Variants in ZNF175 observed in about 807,000 individuals in gnomAD.
The protein encoded by ZNF175 is zinc finger protein OTK18.
Under a neutral mutation model 14.0 loss-of-function variants are expected in ZNF175, and 8 were observed. The observed-to-expected ratio is 0.57, with a 90% confidence interval of 0.34 to 1.03. The LOEUF (loss-of-function observed/expected upper bound fraction) is 1.03. Among genes scored for constraint, ZNF175 ranks in the 50% least tolerant of loss-of-function variants. ZNF175 has a pLI of 0.03. For synonymous variants in ZNF175, 255 were observed against 296.8 expected (o/e 0.86, Z 1.45); for missense variants, 764 against 849.5 (o/e 0.90, Z 1.25).
At chr19:51,582,645 C>T (rs961950628) in intron 4 of ZNF175, among the ~76,000 whole-genome samples, 1 of 152,144 alleles carries the variant, frequency 6.6e-6, no homozygotes, top group Non-Finnish European at 1.5e-5. Context: ...TGGTGAGAGC[C>T]TCTCATCTTA....
Position 51,592,499 on chromosome 19 carries a change from T to A in ZNF175, c.*4032T>A. ...CATTAAATCTGAAATAAAGGTATTT[T>A]GAGAAATTGAATTCCGTTATCAAGT... On this transcript the variant is annotated 3_prime_UTR_variant, in exon 5 of 5. Transcript: ENST00000262259. 1.8e-6 allele frequency: 1 copy of A among 558,206 alleles called. No individual in the cohort carries two copies. Among genetic ancestry groups the A allele is most frequent in the Non-Finnish European group, 3.1e-6 (1 of 318,104 alleles). The allele number at this position is 558,206 out of a possible 1,614,324, so 34.6% of individuals were successfully genotyped here.
chr19:51,589,884 A>AAC lies in ZNF175; in HGVS notation c.*1427_*1428dup. The AAC allele has an allele frequency of 2.1e-6, 1 of 475,224 alleles. No homozygotes were observed. Among genetic ancestry groups the AAC allele is most frequent in the South Asian group, 3.1e-5 (1 of 32,692 alleles). 29.4% of individuals were successfully genotyped at this position (475,224 alleles called of 1,614,324 possible). ...TTTGCCAGCACATGATACACACACA[A>AAC]ACACACACACATACACACATATTAC... is the stretch of plus-strand genomic sequence containing the variant. On this transcript the variant is annotated 3_prime_UTR_variant, in exon 5 of 5. Transcript: ENST00000262259.
intron 1 of ZNF175, 28 bp from the exon 2 acceptor site, chr19:51,573,122 G>A (rs2122556349): frequency 5.5e-6 from 3 of 546,710 alleles, no homozygotes; most frequent in Middle Eastern, 4.6e-4. Context: ...TGTTGAATGA[G>A]TGACCATGTA....
chr19:51,580,734 A>C (rs1396952368), intron 2 of ZNF175, among the ~76,000 whole-genome samples: 10 of 152,148 alleles, frequency 6.6e-5, no homozygotes, highest in Non-Finnish European at 1.5e-4. Context: ...CTTATCTTAC[A>C]CAGAGCTGTC....
At chr19:51,581,695 G>C in intron 3 of ZNF175, 92 bp from the exon 4 acceptor site, 1 of 1,539,710 alleles carries the variant, frequency 6.5e-7, no homozygotes, top group East Asian at 2.3e-5. Flanking sequence ...GGAAAATGTT[G>C]ACTTTTCTAA....
intron 4 of ZNF175, 151 bp downstream of exon 4, chr19:51,582,033 A>G (rs2122570110): frequency 1.4e-6 from 1 of 705,008 alleles, no homozygotes; most frequent in Non-Finnish European, 2.4e-6. Context: ...AATGTGCTAT[A>G]AATGTTAAAT....
chr19:51,575,953 T>C (rs1044739000), intron 2 of ZNF175, among the ~76,000 whole-genome samples: 1 of 152,198 alleles, frequency 6.6e-6, no homozygotes, highest in African/African-American at 2.4e-5. Context: ...GCTGCCTGTA[T>C]AGACACCCTG....
rs936626817 is a variant in ZNF175 at position 51,591,569 on chromosome 19, G to A, written c.*3102G>A. The A allele has an allele frequency of 4.6e-5, 7 of 152,114 alleles. No homozygotes were observed. The highest frequency in any genetic ancestry group is 6.5e-5 in the Admixed American group (1 of 15,274). The allele number at this position is 152,114 out of a possible 1,614,324, so 9.4% of individuals were successfully genotyped here. A position where few individuals can be genotyped will look rare whatever the true frequency, so the allele number is the denominator to read the frequency against. On this transcript the variant is annotated 3_prime_UTR_variant, in exon 5 of 5. Coordinates refer to ENST00000262259, the MANE Select transcript of ZNF175 (RefSeq NM_007147.4). ...CTAGGCAGCTTGTATGAACTAACTC[G>A]TTTATTCCTCACAGCCATTGTAGGA... is the stretch of plus-strand genomic sequence containing the variant.
rs1171985312 is a variant in ZNF175 at position 51,588,381 on chromosome 19, T to C, written c.2050T>C (p.Ser684Pro). ...SECGKAFNNRSNFNKHQTTHT... is the reference protein window; with the variant it reads ...SECGKAFNNRPNFNKHQTTHT... ...ATGTGGAAAGGCCTTCAACAACAGGTCAAACTTCAATAAACACCAAACAAC... is the reference window on the plus strand; with the variant it reads ...ATGTGGAAAGGCCTTCAACAACAGGCCAAACTTCAATAAACACCAAACAAC... The change falls in exon 5 of 5, where the codon TCA (serine) becomes CCA (proline). Residue 684 changes from serine (S) to proline (P), a missense_variant. Physicochemically the swap from Ser to Pro is moderately conservative, Grantham distance 74. Transcript: ENST00000262259. The C allele has an allele frequency of 1.2e-6, 2 of 1,612,112 alleles. No individual in the cohort carries two copies. Among genetic ancestry groups the C allele is most frequent in the Non-Finnish European group, 8.5e-7 (1 of 1,179,512 alleles).
chr19:51,580,404 T>A (rs1161504293), intron 2 of ZNF175, among the ~76,000 whole-genome samples: 2 of 152,210 alleles, frequency 1.3e-5, no homozygotes, highest in Non-Finnish European at 2.9e-5. Flanking sequence ...CCATCAGTCT[T>A]TCATATGGTT....
intron 1 of ZNF175, 53 bp downstream of exon 1, chr19:51,571,528 A>C (rs1233988218): frequency 6.6e-6 from 1 of 152,146 alleles, no homozygotes; most frequent in Non-Finnish European, 1.5e-5. Context: ...GGGGTGGGTG[A>C]TGGGTGCTGT....
chr19:51,581,605 G>A (rs1323481234), intron 3 of ZNF175, 88 bp downstream of exon 3: 8 of 1,549,092 alleles, frequency 5.2e-6, no homozygotes, highest in Non-Finnish European at 7.0e-6. Flanking sequence ...GGATATCAAA[G>A]TATGTCATGA....
intron 2 of ZNF175, 92 bp from the exon 3 acceptor site, chr19:51,581,299 G>A: frequency 1.9e-6 from 3 of 1,589,890 alleles, no homozygotes; most frequent in African/African-American, 2.7e-5. Context: ...GGATCGTGGT[G>A]AAAATCATTA....
At chr19:51,581,061 C>T (rs1326346578) in intron 2 of ZNF175, among the ~76,000 whole-genome samples, 2 of 151,968 alleles carry the variant, frequency 1.3e-5, no homozygotes, top group Non-Finnish European at 2.9e-5. Flanking sequence ...GTGTTGAGCA[C>T]CAGAACCCAG....
intron 2 of ZNF175, among the ~76,000 whole-genome samples, chr19:51,576,672 G>A (rs200818025): frequency 1.3e-5 from 2 of 152,102 alleles, no homozygotes; most frequent in East Asian, 3.9e-4. Flanking sequence ...GTCTTGATGC[G>A]ATTGGACCTG....
chr19:51,581,173 GAA>G (rs201146178), intron 2 of ZNF175, among the ~76,000 whole-genome samples: 1 of 143,560 alleles, frequency 7.0e-6, no homozygotes, highest in East Asian at 2.0e-4. Context: ...CCTCATTTTT[GAA>G]AAAAAAAAAT....
chr19:51,576,308 C>A (rs1981788855), intron 2 of ZNF175, among the ~76,000 whole-genome samples: 1 of 152,022 alleles, frequency 6.6e-6, no homozygotes, highest in African/African-American at 2.4e-5. Flanking sequence ...TGCCACCACG[C>A]CTGGCTAATT....
Position 51,573,295 on chromosome 19 carries a change from G to T in ZNF175, c.-35G>T. The T allele has an allele frequency of 6.2e-7, 1 of 1,609,418 alleles. No individual in the cohort carries two copies. On this transcript the variant is annotated 5_prime_UTR_variant, in exon 2 of 5. Transcript: ENST00000262259. Reference sequence around the variant, plus strand: ...GCTCCTGGGAAAAGTGGAGTTGTCAGCAAGAGAGACCGAGAGTAGAAGCCC... The same window carrying T: ...GCTCCTGGGAAAAGTGGAGTTGTCATCAAGAGAGACCGAGAGTAGAAGCCC...
intron 4 of ZNF175, among the ~76,000 whole-genome samples, chr19:51,584,663 A>G (rs964144331): frequency 2.1e-4 from 32 of 152,324 alleles, no homozygotes; most frequent in African/African-American, 5.3e-4. Flanking sequence ...ACCTATTTTA[A>G]TAAGTGGGAA....
Sources: allele counts gnomAD v4.1 joint callset (sites outside exome capture counted in the v4.1 genomes callset), GRCh38; gene constraint gnomAD v4.1.1; transcripts MANE v1.5; gene names NCBI Gene and HGNC (gene_info 2026-07-23, HGNC 2026-07-21).